The following SLC43A2 variants were observed in gnomAD, a reference collection of about 807,000 sequenced individuals.
SLC43A2 encodes large neutral amino acids transporter small subunit 4.
A neutral mutation model predicts 63.2 loss-of-function variants in SLC43A2; 38 were observed. The observed-to-expected ratio is 0.60, with a 90% CI of 0.46 to 0.79. The LOEUF (loss-of-function observed/expected upper bound fraction) is 0.79. Among genes scored for constraint, SLC43A2 ranks in the 30% least tolerant of loss-of-function variants. SLC43A2 has a pLI of 0.00. For missense variants in SLC43A2, 644 were observed against 756.2 expected (o/e 0.85, Z 1.74); for synonymous variants, 322 against 331.0 (o/e 0.97, Z 0.30).
At chr17:1,614,503 AGTAGATGAGCCTGGCTAAGATTTT>A (rs1167033585) in intron 4 of SLC43A2, among the ~76,000 whole-genome samples, 2 of 152,188 alleles carry the variant, frequency 1.3e-5, no homozygotes, top group Non-Finnish European at 2.9e-5. Context: ...CCTGAAAATC[AGTAGATGAGCCTGGCTAAGATTTT>A]GGTGAAACTC....
At chr17:1,591,050 G>A in intron 8 of SLC43A2, 102 bp from the exon 9 acceptor site, 1 of 1,367,888 alleles carries the variant, frequency 7.3e-7, no homozygotes, top group Non-Finnish European at 1.0e-6. Flanking sequence ...GGGGCCCTCG[G>A]GACGGGCCTG....
At chr17:1,591,728 G>GGT in intron 6 of SLC43A2, 29 bp from the exon 7 acceptor site, 2 of 922,554 alleles carry the variant, frequency 2.2e-6, no homozygotes, top group South Asian at 2.8e-5. Context: ...ACGGGGTGGG[G>GGT]GGGGGAGGGG....
In SLC43A2 at chr17:1,570,489, T is replaced by G; in HGVS notation, c.*5115A>C. On this transcript the variant is annotated 3_prime_UTR_variant, in exon 14 of 14. Coordinates refer to ENST00000301335, the MANE Select transcript of SLC43A2 (RefSeq NM_152346.3). ...GCACTGAAAACGATGCTACCATTGT[T>G]TTTTTTTTTTTTTTTGAGACGGAGT... 1 of 122,654 alleles carries G rather than the reference T, an allele frequency of 8.2e-6. No homozygotes were observed. Among genetic ancestry groups the G allele is most frequent in the Non-Finnish European group, 2.0e-5 (1 of 50,720 alleles). The allele number at this position is 122,654 out of a possible 1,614,324, so 7.6% of individuals were successfully genotyped here.
At chr17:1,586,928 T>TTGGCC in intron 9 of SLC43A2, 1 of 1,232,916 alleles carries the variant, frequency 8.1e-7, no homozygotes, top group Non-Finnish European at 1.1e-6. Context: ...TCCCTGACAA[T>TTGGCC]CCCCCCCACC....
chr17:1,575,633 C>T lies in SLC43A2; in HGVS notation c.1681G>A (p.Gly561Ser), dbSNP rs947286216. The part of the protein sequence containing the change: ...EDDKLFLKIN[G>S]SSNQEAFV ...ACGAAGGCCTCCTGGTTGGACGAGC[C>T]GTTGATTTTGAGGAAGAGTTTGTCA... Residue 561 changes from glycine (G) to serine (S), a missense_variant, in exon 14 of 14, where the codon GGC (glycine) becomes AGC (serine). Coordinates refer to ENST00000301335, the MANE Select transcript of SLC43A2 (RefSeq NM_152346.3). 2.0e-5 allele frequency: 33 copies of T among 1,613,994 alleles called. No homozygotes were observed. The highest frequency in any genetic ancestry group is 4.0e-5 in the African/African-American group (3 of 74,922).
intron 9 of SLC43A2, among the ~76,000 whole-genome samples, chr17:1,588,322 G>A (rs887483950): frequency 1.3e-5 from 2 of 151,922 alleles, no homozygotes; most frequent in African/African-American, 4.8e-5. Context: ...AGAGGCGGAG[G>A]TTGCAGTGAG....
chr17:1,581,788 G>A (rs1300479280), intron 11 of SLC43A2, among the ~76,000 whole-genome samples: 1 of 151,518 alleles, frequency 6.6e-6, no homozygotes, highest in Non-Finnish European at 1.5e-5. Context: ...AGCCTCAAAA[G>A]TTTGGCAAAG....
chr17:1,604,080 G>A lies in SLC43A2; in HGVS notation c.501+9115C>T, dbSNP rs573676779. On this transcript the variant is annotated intron_variant, in intron 5 of 13. Coordinates refer to ENST00000301335, the MANE Select transcript of SLC43A2 (RefSeq NM_152346.3). ...TTTTGAGACAGAGCCTCACTCTGTC[G>A]CCAAGGCTACAGTGCAGCAGCACAA... Among the ~76,000 whole-genome samples the A allele has an allele frequency of 3.9e-5, 6 of 152,204 alleles. No homozygotes were observed. The South Asian group carries it at 6.2e-4, about 16-fold the overall frequency.
chr17:1,626,795 T>A (rs1189600558), intron 2 of SLC43A2, among the ~76,000 whole-genome samples: 1 of 152,186 alleles, frequency 6.6e-6, no homozygotes, highest in Admixed American at 6.5e-5. Flanking sequence ...AGCTCAGCTA[T>A]TATGCAGCTA....
rs1164284820 is a variant in SLC43A2, at chr17:1,605,396, G to A, written c.501+7799C>T. The A allele has an allele frequency of 3.2e-5, 7 of 218,520 alleles. No individual in the cohort carries two copies. The highest frequency in any genetic ancestry group is 1.8e-4 in the East Asian group (1 of 5,468). The allele number at this position is 218,520 out of a possible 1,614,324, so 13.5% of individuals were successfully genotyped here. A position where few individuals can be genotyped will look rare whatever the true frequency, so the allele number is the denominator to read the frequency against. ...CAGGGCCAAGGCCCTGGGACAGTGC[G>A]GGCGCGGGAGCTTCTCTAAGATGCC... is the stretch of plus-strand genomic sequence containing the variant. On this transcript the variant is annotated intron_variant, in intron 5 of 13. Transcript: ENST00000301335. This position sits in a 1 kb window ranked among gnomAD's most constrained non-coding sequence, Gnocchi z 4.9.
intron 9 of SLC43A2, chr17:1,586,961 C>A: frequency 6.7e-7 from 1 of 1,502,048 alleles, no homozygotes; most frequent in Non-Finnish European, 8.9e-7. Context: ...GTGGCCATCA[C>A]TGCATCAAGA....
chr17:1,612,216 A>G (rs1180118375), intron 5 of SLC43A2, among the ~76,000 whole-genome samples: 3 of 152,068 alleles, frequency 2.0e-5, no homozygotes, highest in Non-Finnish European at 2.9e-5. Flanking sequence ...CGCCTGCCTC[A>G]GTCTCCCAAA....
chr17:1,613,290 C>T lies in SLC43A2; in HGVS notation c.425-19G>A. 1 of 1,613,582 alleles carries T rather than the reference C, an allele frequency of 6.2e-7. No homozygotes were observed. Among genetic ancestry groups the T allele is most frequent in the East Asian group, 2.2e-5 (1 of 44,878 alleles). ...GAGAGAGCTGCAGGGACATGGAAAG[C>T]TCGTGAGTGGAGACCCCAGCTGAGC... On this transcript the variant is annotated intron_variant, in intron 4 of 13. Coordinates refer to ENST00000301335, the MANE Select transcript of SLC43A2 (RefSeq NM_152346.3).
intron 2 of SLC43A2, among the ~76,000 whole-genome samples, chr17:1,622,614 TAA>T (rs922015455): frequency 1.6e-4 from 22 of 136,510 alleles, no homozygotes; most frequent in African/African-American, 5.9e-4. Flanking sequence ...GGAGAGACTC[TAA>T]AAAGAGAGGC....
rs370816161 is a variant in SLC43A2, at chr17:1,578,340, C to T, written c.1351-17G>A. ...GGAGAGGATCTGGGGGAGGAAAAGG[C>T]GACTGTGGGCATAAGGCCTTAAGGG... On this transcript the variant is annotated splice_polypyrimidine_tract_variant and intron_variant, in intron 11 of 13. Transcript: ENST00000301335. The surrounding 1 kb of genome is among the most constrained non-coding windows in gnomAD (Gnocchi z 6.5). The T allele has an allele frequency of 3.0e-5, 48 of 1,612,990 alleles. No individual in the cohort carries two copies. The highest frequency in any genetic ancestry group is 3.6e-5 in the Non-Finnish European group (43 of 1,179,616).
intron 11 of SLC43A2, among the ~76,000 whole-genome samples, chr17:1,579,001 C>T (rs1433746370): frequency 6.6e-6 from 1 of 151,692 alleles, no homozygotes; most frequent in Non-Finnish European, 1.5e-5. Flanking sequence ...ATTAGCTGGG[C>T]GTGGTGGTGG....
chr17:1,607,895 T>C (rs1239419325), intron 5 of SLC43A2, among the ~76,000 whole-genome samples: 2 of 152,142 alleles, frequency 1.3e-5, no homozygotes, highest in Non-Finnish European at 2.9e-5. Context: ...TTTGCATTTT[T>C]AGTAGAGACG....
chr17:1,588,629 G>A (rs1904438343), intron 9 of SLC43A2, among the ~76,000 whole-genome samples: 1 of 149,598 alleles, frequency 6.7e-6, no homozygotes, highest in Non-Finnish European at 1.5e-5. Flanking sequence ...CTCAGGAGTC[G>A]GAGGCCGTGG....
At chr17:1,597,367 T>C (rs1905398004) in intron 5 of SLC43A2, among the ~76,000 whole-genome samples, 1 of 150,482 alleles carries the variant, frequency 6.6e-6, no homozygotes, top group Non-Finnish European at 1.5e-5. Context: ...TAGCCAGGCA[T>C]GGTGACGTGC....
Sources: gnomAD v4.1 joint callset for allele counts (sites outside exome capture counted in the v4.1 genomes callset) on GRCh38, gnomAD v4.1.1 for gene constraint, Gnocchi (gnomAD v3.1) non-coding constraint, MANE v1.5 for transcripts, NCBI Gene and HGNC (gene_info 2026-07-23, HGNC 2026-07-21) for gene names.